LTBP1: variants seen among roughly 807,000 people sequenced by gnomAD.
LTBP1 encodes the protein latent transforming growth factor beta binding protein 1, also known as latent-transforming growth factor beta-binding protein 1.
A neutral mutation model predicts 207.6 loss-of-function variants in LTBP1; 129 were observed. The ratio of observed to expected loss-of-function variants is 0.62; its 90% CI spans 0.54 to 0.72. The LOEUF (loss-of-function observed/expected upper bound fraction) is 0.72. Ranked by LOEUF, LTBP1 falls within the 30% of genes least tolerant of loss-of-function variation. LTBP1 has a pLI of 0.00. For synonymous variants in LTBP1, 963 were observed against 833.7 expected, an observed-to-expected ratio of 1.16 and a Z score of -2.67; for missense variants, 2,281 against 2,217.2, an observed-to-expected ratio of 1.03 and a Z score of -0.58.
At chr2:33,267,216 C>G (rs536257856) in intron 15 of LTBP1, among the ~76,000 whole-genome samples, 21 of 152,322 alleles carry the variant, frequency 1.4e-4, no homozygotes, top group Middle Eastern at 3.4e-3. Flanking sequence ...GTGGCTGGAC[C>G]CCATGCTTGC....
intron 3 of LTBP1, among the ~76,000 whole-genome samples, chr2:33,030,051 G>A (rs1055112858): frequency 1.3e-5 from 2 of 152,142 alleles, no homozygotes; most frequent in Non-Finnish European, 2.9e-5. Context: ...GAGAGTTTCA[G>A]TGCTTTCAGA....
Position 33,202,022 on chromosome 2 carries a change from A to AACACACACACACACACACACACAC in LTBP1, c.1701+13187_1701+13210dup, listed in dbSNP as rs10558832. 1.6e-3 allele frequency among the ~76,000 whole-genome samples: 230 copies of AACACACACACACACACACACACAC among 140,664 alleles called. 1 individual carries two copies. The highest frequency in any genetic ancestry group is 9.9e-3 in the Admixed American group (138 of 13,892). 92.3% of individuals were successfully genotyped at this position (140,664 alleles called of 152,430 possible). ...CCTAAGCTCTAAAGCTTAGCACTGG[A>AACACACACACACACACACACACAC]ACACACACACACACACACACACACA... is the stretch of plus-strand genomic sequence containing the variant. On this transcript the variant is annotated intron_variant, in intron 7 of 33. Transcript: ENST00000404816.
In LTBP1 at chr2:33,363,458, G is replaced by A; in HGVS notation, c.4339G>A (p.Gly1447Arg). Residue 1447 changes from glycine (G) to arginine (R), a missense_variant, in exon 29 of 34, where the codon GGG becomes AGG. By Grantham distance (125) the Gly-to-Arg change is moderately radical (BLOSUM62 -2). Transcript: ENST00000404816. ...KNGFCLNTRPGYECYCKQGTY... is the reference protein window; with the variant it reads ...KNGFCLNTRPRYECYCKQGTY... Reference sequence around the variant, plus strand: ...TGGTTTCTGTTTGAACACTCGGCCTGGGTATGAATGCTACTGTAAGCAAGG... The same window carrying A: ...TGGTTTCTGTTTGAACACTCGGCCTAGGTATGAATGCTACTGTAAGCAAGG... 1.2e-6 allele frequency: 2 copies of A among 1,613,926 alleles called. No individual in the cohort carries two copies. Among genetic ancestry groups the A allele is most frequent in the Non-Finnish European group, 1.7e-6 (2 of 1,179,858 alleles).
chr2:33,046,119 TG>T (rs1015985344), intron 3 of LTBP1, among the ~76,000 whole-genome samples: 68 of 152,324 alleles, frequency 4.5e-4, no homozygotes, highest in African/African-American at 1.5e-3. Context: ...TTCTCTTGCC[TG>T]ATTTCACTGG....
chr2:33,351,731 TC>T (rs981685377), intron 26 of LTBP1, among the ~76,000 whole-genome samples: 1 of 152,208 alleles, frequency 6.6e-6, no homozygotes, highest in Non-Finnish European at 1.5e-5. Context: ...CAGTGGTTTT[TC>T]ATCTTTTCCC....
chr2:33,367,581 T>A (rs2095007649), intron 31 of LTBP1, among the ~76,000 whole-genome samples: 1 of 152,202 alleles, frequency 6.6e-6, no homozygotes, highest in Non-Finnish European at 1.5e-5. Flanking sequence ...TTAGCTACCA[T>A]TTATAAGTGA....
chr2:33,323,119 C>A (rs1452072651), intron 24 of LTBP1, among the ~76,000 whole-genome samples: 1 of 152,254 alleles, frequency 6.6e-6, no homozygotes, highest in Admixed American at 6.5e-5. Flanking sequence ...ACCTACCGAA[C>A]ATTATAGCTT....
chr2:33,029,811 A>C (rs2075607713), intron 3 of LTBP1, among the ~76,000 whole-genome samples: 1 of 152,182 alleles, frequency 6.6e-6, no homozygotes, highest in South Asian at 2.1e-4. Flanking sequence ...AGAAGTGAAA[A>C]ATTGTAGTTA....
intron 4 of LTBP1, among the ~76,000 whole-genome samples, chr2:33,120,064 T>C (rs2081013408): frequency 1.3e-5 from 2 of 152,210 alleles, no homozygotes; most frequent in South Asian, 4.1e-4. Context: ...TAAGAGGTAG[T>C]TGCAGTATGG....
In LTBP1 at chr2:33,303,657, G is replaced by T. The variant is rs1323969871; in HGVS notation, c.3481+2013G>T. ...GAGCCACCGCACCTGGCCTGCATTG[G>T]TTAGATTCTCATAAGGAGCGTGCAA... On this transcript the variant is annotated intron_variant, in intron 22 of 33. Transcript: ENST00000404816. 1.3e-5 allele frequency among the ~76,000 whole-genome samples: 2 copies of T among 152,012 alleles called. 1 individual carries two copies. Among genetic ancestry groups the T allele is most frequent in the African/African-American group, 4.8e-5 (2 of 41,402 alleles).
intron 7 of LTBP1, among the ~76,000 whole-genome samples, chr2:33,217,060 T>G (rs1325500622): frequency 6.6e-6 from 1 of 152,188 alleles, no homozygotes; most frequent in Non-Finnish European, 1.5e-5. Flanking sequence ...TTCTGTCCTG[T>G]CTGTGCCCAG....
chr2:32,994,472 T>TC (rs1684937514), intron 2 of LTBP1, among the ~76,000 whole-genome samples: 1 of 150,436 alleles, frequency 6.6e-6, no homozygotes, highest in South Asian at 2.1e-4. Context: ...AGTGAGTCTT[T>TC]TTTTTTTTTT....
intron 33 of LTBP1, among the ~76,000 whole-genome samples, chr2:33,397,506 C>T (rs372157309): frequency 0.038 from 4,276 of 112,040 alleles, 247 homozygotes; most frequent in Middle Eastern, 0.13. Context: ...TACCACAATT[C>T]TTTTTTTTTT....
chr2:33,082,690 G>T (rs977557712), intron 3 of LTBP1, among the ~76,000 whole-genome samples: 1 of 152,078 alleles, frequency 6.6e-6, no homozygotes, highest in Non-Finnish European at 1.5e-5. Context: ...CTCCCAAAGT[G>T]CCGGGATTAC....
chr2:33,036,195 G>A (rs892639481), intron 3 of LTBP1, among the ~76,000 whole-genome samples: 1 of 152,206 alleles, frequency 6.6e-6, no homozygotes. Flanking sequence ...AATACGGCTT[G>A]TTGGGCCCCA....
intron 15 of LTBP1, among the ~76,000 whole-genome samples, chr2:33,266,714 C>T (rs1166721821): frequency 1.3e-5 from 2 of 152,116 alleles, no homozygotes; most frequent in African/African-American, 4.8e-5. Flanking sequence ...TTCAGGATGA[C>T]GTGCCCGCAG....
chr2:33,326,892 A>G (rs2094435394), intron 24 of LTBP1, among the ~76,000 whole-genome samples: 1 of 151,884 alleles, frequency 6.6e-6, no homozygotes, highest in South Asian at 2.1e-4. Flanking sequence ...TCAAACTCCT[A>G]ACCACGTCAG....
intron 3 of LTBP1, among the ~76,000 whole-genome samples, chr2:33,039,448 T>C (rs2076078762): frequency 6.6e-6 from 1 of 152,260 alleles, no homozygotes; most frequent in East Asian, 1.9e-4. Context: ...TTGAGTGTCC[T>C]TCTTACCTCT....
chr2:33,395,900 GC>G (rs2095353929), intron 32 of LTBP1, among the ~76,000 whole-genome samples: 1 of 141,514 alleles, frequency 7.1e-6, no homozygotes, highest in Non-Finnish European at 1.5e-5. Context: ...GAAAGTTCTA[GC>G]CATATATTTT....
Sources: allele counts gnomAD v4.1 joint callset (sites outside exome capture counted in the v4.1 genomes callset), GRCh38; gene constraint gnomAD v4.1.1; transcripts MANE v1.5; gene names NCBI Gene and HGNC (gene_info 2026-07-23, HGNC 2026-07-21).